TMEM132D: variants seen among roughly 807,000 people sequenced by gnomAD.
TMEM132D encodes transmembrane protein 132D, also known as mature OL transmembrane protein.
Under a neutral mutation model 62.3 loss-of-function variants are expected in TMEM132D, and 21 were observed. That is an observed-to-expected ratio of 0.34 (90% confidence interval 0.24 to 0.49). The LOEUF is 0.49. TMEM132D is among the 20% of genes least tolerant of loss of function. The pLI, the probability that TMEM132D is intolerant of heterozygous loss-of-function variation, is 0.99. For missense variants in TMEM132D, 1,346 were observed against 1,402.8 expected, an observed-to-expected ratio of 0.96 and a Z score of 0.65; for synonymous variants, 621 against 575.6, an observed-to-expected ratio of 1.08 and a Z score of -1.13.
chr12:129,334,413 A>G (rs1185442221), intron 4 of TMEM132D, among the ~76,000 whole-genome samples: 1 of 148,746 alleles, frequency 6.7e-6, no homozygotes, highest in Non-Finnish European at 1.5e-5. Context: ...AAAGTAATTT[A>G]ATAACGGCAA....
chr12:129,726,054 C>T (rs1869023841), intron 1 of TMEM132D, among the ~76,000 whole-genome samples: 1 of 152,198 alleles, frequency 6.6e-6, no homozygotes, highest in African/African-American at 2.4e-5. Context: ...TGCTGAGCCT[C>T]TGATGAGCTT....
chr12:129,136,786 T>G (rs530612140), intron 5 of TMEM132D, among the ~76,000 whole-genome samples: 9 of 132,702 alleles, frequency 6.8e-5, no homozygotes, highest in African/African-American at 1.9e-4. Flanking sequence ...ATCACCATCA[T>G]CACCATCACC....
At chr12:129,443,726 C>A (rs984265470) in intron 3 of TMEM132D, among the ~76,000 whole-genome samples, 1 of 152,176 alleles carries the variant, frequency 6.6e-6, no homozygotes, top group African/African-American at 2.4e-5. Context: ...GGAGTGCCAT[C>A]TCTCCCTGCT....
At chr12:129,109,715 G>A (rs532334548) in intron 5 of TMEM132D, 20 of 163,648 alleles carry the variant, frequency 1.2e-4, no homozygotes, top group African/African-American at 2.9e-4. Flanking sequence ...AGTGCCTTTC[G>A]CCTCCCGCCA....
intron 1 of TMEM132D, among the ~76,000 whole-genome samples, chr12:129,754,932 A>G (rs965714347): frequency 1.2e-4 from 18 of 152,202 alleles, no homozygotes; most frequent in Admixed American, 9.2e-4. Context: ...CACGTTTGTC[A>G]CCACTACCAC....
intron 2 of TMEM132D, among the ~76,000 whole-genome samples, chr12:129,532,843 G>A (rs570349128): frequency 1.2e-3 from 183 of 152,366 alleles, no homozygotes; most frequent in African/African-American, 4.2e-3. Context: ...TATGCTGGAG[G>A]AATTGGAGGA....
chr12:129,241,095 T>G (rs1044613014), intron 4 of TMEM132D, among the ~76,000 whole-genome samples: 5 of 149,050 alleles, frequency 3.4e-5, no homozygotes, highest in African/African-American at 5.0e-5. Context: ...TTCAATAATA[T>G]GTTATTTATA....
chr12:129,729,120 C>A (rs998141126), intron 1 of TMEM132D, among the ~76,000 whole-genome samples: 2 of 152,014 alleles, frequency 1.3e-5, no homozygotes, highest in Non-Finnish European at 2.9e-5. Flanking sequence ...AGAATAGCAC[C>A]CTTTAGGGCA....
intron 3 of TMEM132D, among the ~76,000 whole-genome samples, chr12:129,462,441 C>CA (rs966526329): frequency 7.3e-5 from 11 of 150,854 alleles, no homozygotes; most frequent in South Asian, 2.1e-4. Flanking sequence ...GTATTACAGA[C>CA]AAAAAAAAAT....
At chr12:129,255,114 G>A (rs1249945054) in intron 4 of TMEM132D, among the ~76,000 whole-genome samples, 5 of 152,250 alleles carry the variant, frequency 3.3e-5, no homozygotes, top group Admixed American at 1.3e-4. Context: ...CATGTGAGAC[G>A]TGTCTGGTCC....
intron 1 of TMEM132D, among the ~76,000 whole-genome samples, chr12:129,813,033 C>G (rs1241193392): frequency 6.6e-6 from 1 of 151,886 alleles, no homozygotes; most frequent in Non-Finnish European, 1.5e-5. Flanking sequence ...TTCTTTCCGT[C>G]TCGGCGCAGA....
chr12:129,729,919 T>C (rs937427811), intron 1 of TMEM132D, among the ~76,000 whole-genome samples: 1 of 152,198 alleles, frequency 6.6e-6, no homozygotes, highest in Non-Finnish European at 1.5e-5. Context: ...ATGTACTTTG[T>C]GATATTCCCT....
chr12:129,151,845 A>C (rs1033757806), intron 5 of TMEM132D, among the ~76,000 whole-genome samples: 1 of 149,938 alleles, frequency 6.7e-6, no homozygotes, highest in Non-Finnish European at 1.5e-5. Flanking sequence ...CATGCCATTC[A>C]TAATACTTAG....
At chr12:129,746,337 G>C (rs1463600175) in intron 1 of TMEM132D, among the ~76,000 whole-genome samples, 2 of 152,286 alleles carry the variant, frequency 1.3e-5, no homozygotes, top group East Asian at 3.9e-4. Context: ...ATTTGCATTT[G>C]AGATGACTCT....
chr12:129,569,414 C>T (rs192786806), intron 2 of TMEM132D, among the ~76,000 whole-genome samples: 2 of 152,210 alleles, frequency 1.3e-5, no homozygotes, highest in Admixed American at 6.5e-5. Flanking sequence ...TGCCACCAGG[C>T]TTAGCAAGTA....
At chr12:129,516,524 T>A (rs963826546) in intron 3 of TMEM132D, among the ~76,000 whole-genome samples, 29 of 152,214 alleles carry the variant, frequency 1.9e-4, no homozygotes, top group South Asian at 1.0e-3. Context: ...GAAAGGGGCT[T>A]CCCCTTATAA....
chr12:129,384,276 G>A (rs1226658797), intron 3 of TMEM132D, among the ~76,000 whole-genome samples: 3 of 152,150 alleles, frequency 2.0e-5, no homozygotes, highest in Non-Finnish European at 4.4e-5. Flanking sequence ...AAACAAACAA[G>A]TGAAAATAAA....
At position 129,670,145 on chromosome 12, in the gene TMEM132D, G is replaced by T. The variant is rs187644735; in HGVS notation, c.968+29665C>A. Among the ~76,000 whole-genome samples, 4 of 152,260 alleles carry T rather than the reference G, an allele frequency of 2.6e-5. No homozygotes were observed. The East Asian group carries it at 7.7e-4, about 29-fold the overall frequency. ...GCAGTGAAAGAGATCTAACTTAACC[G>T]ACTCCACCTTGCTTCTAACCTCCAA... On this transcript the variant is annotated intron_variant, in intron 2 of 8. Transcript: ENST00000422113.
chr12:129,397,490 G>T (rs1402398700), intron 3 of TMEM132D, among the ~76,000 whole-genome samples: 1 of 152,152 alleles, frequency 6.6e-6, no homozygotes, highest in Non-Finnish European at 1.5e-5. Context: ...GATCACACTG[G>T]AATCCATGAG....
Sources: allele counts gnomAD v4.1 joint callset (sites outside exome capture counted in the v4.1 genomes callset), GRCh38; gene constraint gnomAD v4.1.1; transcripts MANE v1.5; gene names NCBI Gene and HGNC (gene_info 2026-07-23, HGNC 2026-07-21).